CNTN2: variants seen among roughly 807,000 people sequenced by gnomAD.
The protein encoded by CNTN2 is contactin-2.
In CNTN2, 53 loss-of-function variants were observed where a neutral mutation model predicts 117.5. The observed-to-expected ratio is 0.45, with a 90% CI of 0.36 to 0.57. The LOEUF (loss-of-function observed/expected upper bound fraction) is 0.57, where lower values mean the gene tolerates loss of function less well. Among genes scored for constraint, CNTN2 ranks in the 20% least tolerant of loss-of-function variants. The probability of loss-of-function intolerance (pLI) is 0.00; values close to 1 mark genes in which losing one functional copy is unlikely to be tolerated. For synonymous variants in CNTN2, 530 were observed against 561.7 expected, an observed-to-expected ratio of 0.94 and a Z score of 0.80; for missense variants, 1,106 against 1,404.3, an observed-to-expected ratio of 0.79 and a Z score of 3.39.
In CNTN2 at chr1:205,076,316, GAGGA is replaced by G. The variant is rs1654861547; in HGVS notation, c.*2552_*2555del. On this transcript the variant is annotated 3_prime_UTR_variant, in exon 23 of 23. Coordinates refer to ENST00000331830, the MANE Select transcript of CNTN2 (RefSeq NM_005076.5). The stretch of plus-strand genomic sequence containing the variant: ...GGTTTAATAAGACAATAGGTGACCT[GAGGA>G]CATGCAAGCTTGTAAAATGCAACAG... 6.6e-6 allele frequency: 1 copy of G among 152,184 alleles called. No individual in the cohort carries two copies. Among genetic ancestry groups the G allele is most frequent in the Non-Finnish European group, 1.5e-5 (1 of 68,024 alleles). The allele number at this position is 152,184 out of a possible 1,614,324, so 9.4% of individuals were successfully genotyped here.
rs1178487155 is a variant in CNTN2 at position 205,061,879 on chromosome 1, C to A, written c.988C>A (p.Leu330Ile). The A allele has an allele frequency of 1.3e-6, 2 of 1,562,232 alleles. No individual in the cohort carries two copies. The highest frequency in any genetic ancestry group is 2.3e-5 in the East Asian group (1 of 43,394). Residue 330 changes from leucine to isoleucine, a missense_variant, in exon 9 of 23, where the codon CTA (leucine) becomes ATA (isoleucine). By Grantham distance (5) the Leu-to-Ile change is conservative (BLOSUM62 2). Coordinates refer to ENST00000331830, the MANE Select transcript of CNTN2 (RefSeq NM_005076.5). This position sits in a 1 kb window ranked among gnomAD's most constrained non-coding sequence, Gnocchi z 4.8. The stretch of plus-strand genomic sequence containing the variant: ...GGCTCCCACAGCTCAGCCTGAGTGG[C>A]TAAAAGTGATCTCGGACACAGAGGC... ...RIIVQAQPEW[L>I]KVISDTEADI...
intron 1 of CNTN2, among the ~76,000 whole-genome samples, chr1:205,052,281 C>T (rs562311897): frequency 9.8e-5 from 15 of 152,294 alleles, no homozygotes; most frequent in South Asian, 8.3e-4. Flanking sequence ...TGGGAGTGAA[C>T]GGGGAGGCTG....
At position 205,073,264 on chromosome 1, in the gene CNTN2, C is replaced by T; in HGVS notation, c.3013+28C>T. Reference sequence around the variant, plus strand: ...GCTGCTCCTCCCCTACCCTTATCCCCTCGAGAGATTCAGGATCCACCCAGA... The same window carrying T: ...GCTGCTCCTCCCCTACCCTTATCCCTTCGAGAGATTCAGGATCCACCCAGA... On this transcript the variant is annotated intron_variant, in intron 22 of 22. Transcript: ENST00000331830. This position sits in a 1 kb window ranked among gnomAD's most constrained non-coding sequence, Gnocchi z 6.3. 1 of 1,609,106 alleles carries T rather than the reference C, an allele frequency of 6.2e-7. No individual in the cohort carries two copies. The highest frequency in any genetic ancestry group is 1.3e-5 in the African/African-American group (1 of 74,918).
At chr1:205,057,161 C>T (rs1653684310) in intron 2 of CNTN2, 1 of 152,380 alleles carries the variant, frequency 6.6e-6, no homozygotes, top group Non-Finnish European at 1.5e-5. Flanking sequence ...TGGCTGAATC[C>T]TCATGCAGAC....
rs974164750 is a variant in CNTN2, at chr1:205,069,849, A to G, written c.2219A>G (p.Asn740Ser). ...NWTPMSREYQ[N>S]GDGFGYLLSF... is the part of the protein sequence containing the mutation. ...CAGCCCATGTCACGGGAGTACCAGA[A>G]CGGAGACGGCTTCGGCTACCTGCTG... The change falls in exon 18 of 23, where the codon AAC becomes AGC. Residue 740 changes from asparagine to serine, a missense_variant. By Grantham distance (46) the Asn-to-Ser change is conservative. Transcript: ENST00000331830. 6.2e-7 allele frequency: 1 copy of G among 1,613,698 alleles called. No homozygotes were observed. Among genetic ancestry groups the G allele is most frequent in the Non-Finnish European group, 8.5e-7 (1 of 1,179,962 alleles).
At chr1:205,067,065 C>T (rs1487773154) in intron 15 of CNTN2, 36 bp from the exon 16 acceptor site, 15 of 1,574,956 alleles carry the variant, frequency 9.5e-6, no homozygotes, top group South Asian at 4.7e-5. Context: ...GATGAATAAG[C>T]GAATGCTGGA....
At chr1:205,049,184 A>G (rs568358321) in intron 1 of CNTN2, among the ~76,000 whole-genome samples, 2 of 151,862 alleles carry the variant, frequency 1.3e-5, no homozygotes, top group South Asian at 4.2e-4. Flanking sequence ...GAGATAACAG[A>G]TAATTCTGAC....
intron 2 of CNTN2, among the ~76,000 whole-genome samples, chr1:205,054,716 C>T (rs956199474): frequency 4.6e-5 from 7 of 152,326 alleles, no homozygotes; most frequent in East Asian, 1.9e-4. Context: ...CAAATCCCAT[C>T]GCTGGCCCCC....
In CNTN2 at chr1:205,058,095, C is replaced by A. The variant is rs760310299; in HGVS notation, c.215+30C>A. 3.7e-6 allele frequency: 6 copies of A among 1,607,382 alleles called. No homozygotes were observed. The highest frequency in any genetic ancestry group is 5.1e-6 in the Non-Finnish European group (6 of 1,177,206). On this transcript the variant is annotated intron_variant, in intron 3 of 22. Coordinates refer to ENST00000331830, the MANE Select transcript of CNTN2 (RefSeq NM_005076.5). The surrounding 1 kb of genome is among the most constrained non-coding windows in gnomAD (Gnocchi z 4.3). The stretch of plus-strand genomic sequence containing the variant: ...GGCCTCTGCAGTGGGTGCTGGGAGG[C>A]CCTGGGCAGCCGTTGAACTTTCCCT...
At chr1:205,063,640 A>AAAG (rs1343966211) in intron 10 of CNTN2, 10 of 148,272 alleles carry the variant, frequency 6.7e-5, no homozygotes, top group Admixed American at 5.6e-4. Flanking sequence ...AAAAAAAAAA[A>AAAG]AAGAAGAAGA....
rs551928143 is a variant in CNTN2 at position 205,054,436 on chromosome 1, A to C, written c.70+1181A>C. Among the ~76,000 whole-genome samples, 153 of 152,304 alleles carry C rather than the reference A, an allele frequency of 1.0e-3. 1 individual carries two copies. The highest frequency in any genetic ancestry group is 3.4e-3 in the African/African-American group (142 of 41,572). On this transcript the variant is annotated intron_variant, in intron 2 of 22. Transcript: ENST00000331830. Reference sequence around the variant, plus strand: ...CCCCCCAGGCCTCGCTACCTGTCCAAGGGTCCACCAGACTGGGAAGAGCTA... The same window carrying C: ...CCCCCCAGGCCTCGCTACCTGTCCACGGGTCCACCAGACTGGGAAGAGCTA...
At chr1:205,067,365 TC>T in intron 16 of CNTN2, 115 bp downstream of exon 16, 5 of 1,301,492 alleles carry the variant, frequency 3.8e-6, no homozygotes, top group Non-Finnish European at 4.2e-6. Context: ...CTCACAGGGT[TC>T]AGACTCTCAC....
Position 205,070,044 on chromosome 1 carries a change from T to C in CNTN2, c.2414T>C (p.Val805Ala), listed in dbSNP as rs991601865. ...GDGPESLTAL[V>A]YSAEEEPRVA... The stretch of plus-strand genomic sequence containing the variant: ...GGGCCCGAGAGCCTCACTGCACTCG[T>C]GTACTCAGCTGAGGAAGGTGGGCTG... The change falls in exon 18 of 23, where the codon GTG (valine) becomes GCG (alanine). Residue 805 changes from valine (V) to alanine (A), a missense_variant. Coordinates refer to ENST00000331830, the MANE Select transcript of CNTN2 (RefSeq NM_005076.5). 6.2e-7 allele frequency: 1 copy of C among 1,613,586 alleles called. No individual in the cohort carries two copies. Among genetic ancestry groups the C allele is most frequent in the Non-Finnish European group, 8.5e-7 (1 of 1,180,016 alleles).
rs201580593 is a variant in CNTN2, at chr1:205,062,526, T to C, written c.1197T>C (p.Asn399=). Residue 399 remains asparagine (N), a synonymous_variant, in exon 10 of 23, where the codon AAT becomes AAC. Coordinates refer to ENST00000331830, the MANE Select transcript of CNTN2 (RefSeq NM_005076.5). ...GCATGTACCAGTGTGTGGCAGAGAA[T>C]AAGCACGGTACCATCTACGCCAGCG... is the stretch of plus-strand genomic sequence containing the variant. ...DSGMYQCVAE[N]KHGTIYASAE... The C allele has an allele frequency of 1.9e-5, 30 of 1,614,028 alleles. No individual in the cohort carries two copies. In the East Asian group the frequency reaches 6.5e-4, roughly 35 times the overall value.
At position 205,059,594 on chromosome 1, in the gene CNTN2, T is replaced by C; in HGVS notation, c.709T>C (p.Phe237Leu). ...CCCTCTCTCCCCAGATACCCGGCTC[T>C]TTGCACCCAGCATCAAGGCCCGGTT... The part of the protein sequence containing the change: ...LNLAAEDTRL[F>L]APSIKARFPA... Residue 237 changes from phenylalanine (F) to leucine (L), a missense_variant, in exon 7 of 23, where the codon TTT becomes CTT. Coordinates refer to ENST00000331830, the MANE Select transcript of CNTN2 (RefSeq NM_005076.5). This position sits in a 1 kb window ranked among gnomAD's most constrained non-coding sequence, Gnocchi z 5.6. 6.2e-7 allele frequency: 1 copy of C among 1,614,144 alleles called. No homozygotes were observed. The highest frequency in any genetic ancestry group is 8.5e-7 in the Non-Finnish European group (1 of 1,180,026).
chr1:205,057,481 T>C (rs1653706574), intron 2 of CNTN2: 1 of 153,398 alleles, frequency 6.5e-6, no homozygotes, highest in Non-Finnish European at 1.5e-5. Flanking sequence ...TCTTGAACTT[T>C]ATGGCATTTG....
Position 205,053,099 on chromosome 1 carries a change from G to C in CNTN2, c.-86-1G>C. 9.9e-7 allele frequency: 1 copy of C among 1,005,934 alleles called. No individual in the cohort carries two copies. Among genetic ancestry groups the C allele is most frequent in the Non-Finnish European group, 1.5e-6 (1 of 688,182 alleles). The allele number at this position is 1,005,934 out of a possible 1,614,324, so 62.3% of individuals were successfully genotyped here. On this transcript the variant is annotated splice_acceptor_variant, in intron 1 of 22. Coordinates refer to ENST00000331830, the MANE Select transcript of CNTN2 (RefSeq NM_005076.5). LOFTEE classifies it low-confidence loss of function (5UTR_SPLICE). Reference sequence around the variant, plus strand: ...GCCCTCCTTTCTGTCTGCCTCCCCAGGTCCTTTCTCAGCCTCCAGCTGGGC... The same window carrying C: ...GCCCTCCTTTCTGTCTGCCTCCCCACGTCCTTTCTCAGCCTCCAGCTGGGC...
Position 205,059,343 on chromosome 1 carries a change from G to C in CNTN2, c.697+50G>C, listed in dbSNP as rs537518186. ...GAGGGAGGGAACTGGAAGGGTCAGC[G>C]GGCATTAGGAAAAGGGTTTTTCCTT... is the stretch of plus-strand genomic sequence containing the variant. On this transcript the variant is annotated intron_variant, in intron 6 of 22. Coordinates refer to ENST00000331830, the MANE Select transcript of CNTN2 (RefSeq NM_005076.5). The surrounding 1 kb of genome is among the most constrained non-coding windows in gnomAD (Gnocchi z 5.6). 1.3e-6 allele frequency: 2 copies of C among 1,546,960 alleles called. No individual in the cohort carries two copies. Among genetic ancestry groups the C allele is most frequent in the Non-Finnish European group, 1.8e-6 (2 of 1,130,048 alleles).
intron 1 of CNTN2, among the ~76,000 whole-genome samples, chr1:205,050,781 G>T (rs1438638100): frequency 1.3e-5 from 2 of 152,144 alleles, no homozygotes; most frequent in Non-Finnish European, 1.5e-5. Flanking sequence ...ACCATGCCCA[G>T]CAAATTTTTG....
Sources: gnomAD v4.1 joint callset for allele counts (sites outside exome capture counted in the v4.1 genomes callset) on GRCh38, gnomAD v4.1.1 for gene constraint, Gnocchi (gnomAD v3.1) non-coding constraint, MANE v1.5 for transcripts, NCBI Gene and HGNC (gene_info 2026-07-23, HGNC 2026-07-21) for gene names.